RHD: variants seen among roughly 807,000 people sequenced by gnomAD.
RHD encodes blood group Rh(D) polypeptide.
Under a neutral mutation model 45.5 loss-of-function variants are expected in RHD, and 16 were observed. The ratio of observed to expected loss-of-function variants is 0.35; its 90% CI spans 0.24 to 0.53. RHD has a LOEUF of 0.53. Among genes scored for constraint, RHD ranks in the 20% least tolerant of loss-of-function variants. The pLI is 0.92. For synonymous variants in RHD, 131 were observed against 217.5 expected (o/e 0.60, Z 3.50); for missense variants, 306 against 532.0 (o/e 0.58, Z 4.18).
Position 25,289,186 on chromosome 1 carries a change from C to T in RHD, c.336-1455C>T, listed in dbSNP as rs1294194364. Among the ~76,000 whole-genome samples, 4 of 132,166 alleles carry T rather than the reference C, an allele frequency of 3.0e-5. 1 individual carries two copies. Among genetic ancestry groups the T allele is most frequent in the African/African-American group, 1.0e-4 (4 of 38,674 alleles). 86.7% of individuals were successfully genotyped at this position (132,166 alleles called of 152,430 possible). ...TGAATGGTGAGCTAGCACGATTTTACAGAGAGTGAATTTTTTTTGTGTGTG... is the reference window on the plus strand; with the variant it reads ...TGAATGGTGAGCTAGCACGATTTTATAGAGAGTGAATTTTTTTTGTGTGTG... On this transcript the variant is annotated intron_variant, in intron 2 of 9. Coordinates refer to ENST00000328664, the MANE Select transcript of RHD (RefSeq NM_016124.6).
intron 7 of RHD, among the ~76,000 whole-genome samples, chr1:25,313,589 T>A (rs1644278340): frequency 7.6e-6 from 1 of 131,954 alleles, no homozygotes; most frequent in African/African-American, 2.6e-5. Flanking sequence ...AGGAAAGTTT[T>A]GTTGTTCACA....
rs766831672 is a variant in RHD at position 25,306,822 on chromosome 1, C to A, written c.1073+93C>A. 5 of 1,136,198 alleles carry A rather than the reference C, an allele frequency of 4.4e-6. 1 individual carries two copies. Among genetic ancestry groups the A allele is most frequent in the Non-Finnish European group, 6.6e-6 (5 of 761,870 alleles). The allele number at this position is 1,136,198 out of a possible 1,614,324, so 70.4% of individuals were successfully genotyped here. A position where few individuals can be genotyped will look rare whatever the true frequency, so the allele number is the denominator to read the frequency against. Reference sequence around the variant, plus strand: ...AGTCCTTAGCTGGGGCGTGTGCACTCGGGGCCAGGTGCTCAGTAGGCTTCG... The same window carrying A: ...AGTCCTTAGCTGGGGCGTGTGCACTAGGGGCCAGGTGCTCAGTAGGCTTCG... On this transcript the variant is annotated intron_variant, in intron 7 of 9. Transcript: ENST00000328664.
intron 1 of RHD, among the ~76,000 whole-genome samples, chr1:25,282,079 C>G (rs1399174265): frequency 7.6e-6 from 1 of 131,656 alleles, no homozygotes; most frequent in East Asian, 1.9e-4. Flanking sequence ...TGAGCGTTCT[C>G]CATGTGCCAG....
chr1:25,321,627 G>A lies in RHD; in HGVS notation c.1154-262G>A, dbSNP rs1247019244. On this transcript the variant is annotated intron_variant, in intron 8 of 9. Transcript: ENST00000328664. ...AGAGGCTGCAGTGAGCCGAGATCAC[G>A]CCATTGTACTCCAGCCTGGGCGATA... Among the ~76,000 whole-genome samples, 10 of 125,716 alleles carry A rather than the reference G, an allele frequency of 8.0e-5. 3 individuals are homozygous for A. The highest frequency in any genetic ancestry group is 2.0e-4 in the East Asian group (1 of 5,094). 82.5% of individuals were successfully genotyped at this position (125,716 alleles called of 152,430 possible). A position where few individuals can be genotyped will look rare whatever the true frequency, so the allele number is the denominator to read the frequency against.
In RHD at chr1:25,320,452, G is replaced by A. The variant is rs1471499145; in HGVS notation, c.1154-1437G>A. On this transcript the variant is annotated intron_variant, in intron 8 of 9. Coordinates refer to ENST00000328664, the MANE Select transcript of RHD (RefSeq NM_016124.6). ...AGCTATCTGGAAAATTCATGCAGGC[G>A]CCAGAGATCGTTACTGAGTAATTCA... 1.5e-5 allele frequency among the ~76,000 whole-genome samples: 2 copies of A among 131,862 alleles called. 1 individual carries two copies. The highest frequency in any genetic ancestry group is 3.6e-5 in the Non-Finnish European group (2 of 55,746). 86.5% of individuals were successfully genotyped at this position (131,862 alleles called of 152,430 possible).
intron 7 of RHD, among the ~76,000 whole-genome samples, chr1:25,307,305 G>T (rs1420622623): frequency 1.5e-5 from 2 of 131,644 alleles, no homozygotes; most frequent in East Asian, 3.9e-4. Flanking sequence ...ACCAGAGGTA[G>T]GTCCTGTGGC....
chr1:25,292,355 G>T lies in RHD; in HGVS notation c.486+1564G>T, dbSNP rs1264227316. On this transcript the variant is annotated intron_variant, in intron 3 of 9. Transcript: ENST00000328664. Reference sequence around the variant, plus strand: ...ACTGAAGGGGCAAGAGAGGAAGCAGGTGGAGACCAGAGCGGCAGTGATTGC... The same window carrying T: ...ACTGAAGGGGCAAGAGAGGAAGCAGTTGGAGACCAGAGCGGCAGTGATTGC... Among the ~76,000 whole-genome samples, 120 of 132,774 alleles carry T rather than the reference G, an allele frequency of 9.0e-4. 31 individuals carry two copies. Among genetic ancestry groups the T allele is most frequent in the Non-Finnish European group, 1.9e-3 (109 of 55,930 alleles). 87.1% of individuals were successfully genotyped at this position (132,774 alleles called of 152,430 possible).
intron 6 of RHD, among the ~76,000 whole-genome samples, chr1:25,305,942 G>T (rs2124689244): frequency 7.6e-6 from 1 of 132,008 alleles, no homozygotes; most frequent in South Asian, 2.3e-4. Context: ...TCTAAGGAAG[G>T]AACCAGCCTG....
In RHD at chr1:25,284,741, T is replaced by G; in HGVS notation, c.317T>G (p.Val106Gly). The change falls in exon 2 of 10, where the codon GTG becomes GGG. Residue 106 changes from valine to glycine, a missense_variant. By Grantham distance (109) the Val-to-Gly change is moderately radical. Transcript: ENST00000328664. ...GFLSQFPSGKVVITLFSIRLA... is the reference protein window; with the variant it reads ...GFLSQFPSGKGVITLFSIRLA... ...CTGAGCCAGTTCCCTTCTGGGAAGG[T>G]GGTCATCACACTGTTCAGGTATTGG... 1 of 1,388,660 alleles carries G rather than the reference T, an allele frequency of 7.2e-7. No homozygotes were observed. Among genetic ancestry groups the G allele is most frequent in the South Asian group, 1.2e-5 (1 of 85,462 alleles). The allele number at this position is 1,388,660 out of a possible 1,614,324, so 86.0% of individuals were successfully genotyped here.
At chr1:25,293,432 C>T (rs1452038042) in intron 3 of RHD, among the ~76,000 whole-genome samples, 10 of 128,388 alleles carry the variant, frequency 7.8e-5, no homozygotes, top group African/African-American at 2.7e-4. Context: ...TCCCATTGTG[C>T]GGAAATAACA....
intron 2 of RHD, among the ~76,000 whole-genome samples, chr1:25,288,016 T>C (rs1571617932): frequency 3.0e-5 from 4 of 132,010 alleles, no homozygotes; most frequent in South Asian, 4.7e-4. Flanking sequence ...AGCCACTGTG[T>C]CCAGCCTAAA....
intron 3 of RHD, among the ~76,000 whole-genome samples, chr1:25,299,836 G>A (rs111457982): frequency 0.014 from 1,785 of 131,062 alleles, 297 homozygotes; most frequent in African/African-American, 0.042. Context: ...TATAGCCTCC[G>A]CCTCCCAGGT....
intron 8 of RHD, among the ~76,000 whole-genome samples, chr1:25,317,729 T>G: frequency 2.1e-5 from 1 of 48,562 alleles, no homozygotes; most frequent in African/African-American, 6.7e-5. Flanking sequence ...TGCGATGCAT[T>G]TAGTTAGGGG....
intron 1 of RHD, among the ~76,000 whole-genome samples, chr1:25,279,329 G>T (rs1339055915): frequency 1.6e-5 from 2 of 126,006 alleles, no homozygotes; most frequent in East Asian, 3.9e-4. Flanking sequence ...TGAGCAGCTG[G>T]CATTGTTTCA....
rs1473903912 is a variant in RHD at position 25,301,464 on chromosome 1, C to G, written c.635-56C>G. The G allele has an allele frequency of 2.3e-6, 3 of 1,330,468 alleles. No individual in the cohort carries two copies. In the African/African-American group the frequency reaches 4.4e-5, roughly 19 times the overall value. The allele number at this position is 1,330,468 out of a possible 1,614,324, so 82.4% of individuals were successfully genotyped here. A position where few individuals can be genotyped will look rare whatever the true frequency, so the allele number is the denominator to read the frequency against. ...GATTCTCATCCAAAACCCCTCGAGG[C>G]TCAGACCTTTGGAGCAGGAGTGTGA... On this transcript the variant is annotated intron_variant, in intron 4 of 9. Transcript: ENST00000328664.
chr1:25,306,609 G>A lies in RHD; in HGVS notation c.953G>A (p.Arg318Gln), dbSNP rs764473605. The change falls in exon 7 of 10, where the codon CGA becomes CAA. Residue 318 changes from arginine to glutamine, a missense_variant. By Grantham distance (43) the Arg-to-Gln change is conservative. Transcript: ENST00000328664. Reference protein sequence around the residue: ...GAKYLPGCCNRVLGIPHSSIM... With the variant: ...GAKYLPGCCNQVLGIPHSSIM... ...ACTTGTCCACAGGGGTGTTGTAACC[G>A]AGTGCTGGGGATTCCCCACAGCTCC... The A allele has an allele frequency of 1.5e-6, 2 of 1,377,936 alleles. No individual in the cohort carries two copies. Among genetic ancestry groups the A allele is most frequent in the South Asian group, 1.2e-5 (1 of 84,828 alleles). 85.4% of individuals were successfully genotyped at this position (1,377,936 alleles called of 1,614,324 possible).
At chr1:25,307,966 T>C (rs1643939665) in intron 7 of RHD, 1 of 707,874 alleles carries the variant, frequency 1.4e-6, no homozygotes, top group Non-Finnish European at 2.3e-6. Context: ...AGAGTTCCCC[T>C]CTGAAAGATG....
At chr1:25,311,593 A>T (rs867673225) in intron 7 of RHD, among the ~76,000 whole-genome samples, 1 of 130,152 alleles carries the variant, frequency 7.7e-6, no homozygotes, top group Non-Finnish European at 1.8e-5. Flanking sequence ...GTTCATCAGG[A>T]CAAGGGAGAA....
intron 6 of RHD, among the ~76,000 whole-genome samples, chr1:25,305,583 TTTG>T (rs200713124): frequency 0.037 from 4,374 of 118,856 alleles, 599 homozygotes; most frequent in African/African-American, 0.11. Context: ...GTGTATGTAT[TTTG>T]TTGTTGTTGT....
Sources: allele counts gnomAD v4.1 joint callset (sites outside exome capture counted in the v4.1 genomes callset), GRCh38; gene constraint gnomAD v4.1.1; transcripts MANE v1.5; gene names NCBI Gene and HGNC (gene_info 2026-07-23, HGNC 2026-07-21).